ABCB8: variants seen among roughly 807,000 people sequenced by gnomAD.
ABCB8 encodes the protein ATP binding cassette subfamily B member 8.
A neutral mutation model predicts 73.0 loss-of-function variants in ABCB8; 52 were observed. The ratio of observed to expected loss-of-function variants is 0.71; its 90% CI spans 0.57 to 0.90. ABCB8 has a LOEUF of 0.90. ABCB8 is among the 40% of genes least tolerant of loss of function. The pLI, the probability that ABCB8 is intolerant of heterozygous loss-of-function variation, is 0.00. For missense variants in ABCB8, 909 were observed against 974.6 expected (o/e 0.93, Z 0.90); for synonymous variants, 428 against 423.5 (o/e 1.01, Z -0.13).
chr7:151,041,284 G>T (rs1267861219), intron 13 of ABCB8, 52 bp downstream of exon 13: 76 of 1,545,784 alleles, frequency 4.9e-5, no homozygotes, highest in Non-Finnish European at 6.2e-5. Context: ...CCTCCCCTGG[G>T]CCCTGCCCCC....
chr7:151,040,677 G>A (rs1796433781), intron 11 of ABCB8, 43 bp downstream of exon 11: 1 of 1,602,608 alleles, frequency 6.2e-7, no homozygotes, highest in Non-Finnish European at 8.5e-7. Context: ...CCCTGGGCCG[G>A]GGATGAGGCG....
intron 9 of ABCB8, chr7:151,040,034 T>A (rs1183022245): frequency 1.9e-6 from 1 of 533,018 alleles, no homozygotes; most frequent in African/African-American, 1.9e-5. Context: ...TCCCAGGGGC[T>A]TGGGCTGAGC....
intron 13 of ABCB8, 36 bp downstream of exon 13, chr7:151,041,268 G>A: frequency 6.3e-7 from 1 of 1,575,164 alleles, no homozygotes; most frequent in Non-Finnish European, 8.6e-7. Context: ...GGCTCCCACT[G>A]CCCGTCCTCC....
chr7:151,045,143 C>T, intron 15 of ABCB8, 66 bp from the exon 16 acceptor site: 3 of 1,453,450 alleles, frequency 2.1e-6, no homozygotes, highest in Non-Finnish European at 2.7e-6. Flanking sequence ...AGAGGCTCAG[C>T]TCTCTGAGGG....
Position 151,041,998 on chromosome 7 carries a change from T to A in ABCB8, c.1655T>A (p.Ile552Asn). Residue 552 changes from isoleucine to asparagine, a missense_variant, in exon 14 of 16, where the codon ATC (isoleucine) becomes AAC (asparagine). Ile to Asn is a moderately radical substitution (Grantham distance 149). Transcript: ENST00000358849. ...TTTGGGACGACCATCATGGAAAACA[T>A]CCGCTTTGGGAAGCTGGAAGCTTCC... The part of the protein sequence containing the change: ...VLFGTTIMEN[I>N]RFGKLEASDE... 3 of 1,612,950 alleles carry A rather than the reference T, an allele frequency of 1.9e-6. No homozygotes were observed. The highest frequency in any genetic ancestry group is 2.5e-6 in the Non-Finnish European group (3 of 1,179,984).
chr7:151,033,252 C>T, intron 1 of ABCB8: 1 of 450,148 alleles, frequency 2.2e-6, no homozygotes, highest in South Asian at 2.1e-5. Context: ...CCTGTCCAGG[C>T]AGTGTGTGGC....
chr7:151,043,815 A>G (rs12539332), intron 14 of ABCB8, among the ~76,000 whole-genome samples, 156 bp from the exon 15 acceptor site: 9,670 of 62,612 alleles, frequency 0.15, 268 homozygotes, highest in East Asian at 0.22. Flanking sequence ...GAGGATGCAC[A>G]GTGCGGGGTG....
At chr7:151,040,713 A>G in intron 11 of ABCB8, 79 bp downstream of exon 11, 2 of 1,601,102 alleles carry the variant, frequency 1.2e-6, no homozygotes. Flanking sequence ...GGAGGTCTGG[A>G]CTAATGTCCC....
intron 13 of ABCB8, 104 bp downstream of exon 13, chr7:151,041,336 T>C (rs1796460218): frequency 2.9e-6 from 4 of 1,400,346 alleles, no homozygotes; most frequent in Admixed American, 5.4e-5. Flanking sequence ...ACCCTCATCC[T>C]TGCTGCTCTC....
chr7:151,033,939 C>T (rs953241063), intron 2 of ABCB8, 22 bp downstream of exon 2: 7 of 1,563,208 alleles, frequency 4.5e-6, no homozygotes, highest in Non-Finnish European at 6.1e-6. Flanking sequence ...CCCACTTCTC[C>T]ATCCTGGGGA....
At chr7:151,031,315 A>G in intron 1 of ABCB8, 1 of 1,541,066 alleles carries the variant, frequency 6.5e-7, no homozygotes, top group Non-Finnish European at 8.7e-7. Flanking sequence ...TCTTTCTAAT[A>G]GAAACAAGAA....
chr7:151,044,110 G>T lies in ABCB8; in HGVS notation c.1905G>T (p.Glu635Asp), dbSNP rs545500480. 3 of 1,613,930 alleles carry T rather than the reference G, an allele frequency of 1.9e-6. No individual in the cohort carries two copies. Among genetic ancestry groups the T allele is most frequent in the Middle Eastern group, 3.3e-4 (2 of 6,060 alleles). Residue 635 changes from glutamate (E) to aspartate (D), a missense_variant, in exon 15 of 16, where the codon GAG becomes GAT. Transcript: ENST00000358849. ...LDAESERVVQ[E>D]ALDRASAGRT... ...CAGAGTCCGAGCGGGTTGTACAGGA[G>T]GCCCTGGACCGGGCCAGTGCAGGCC... is the stretch of plus-strand genomic sequence containing the variant.
At chr7:151,037,336 C>T in intron 9 of ABCB8, 2 of 702,552 alleles carry the variant, frequency 2.8e-6, no homozygotes, top group Non-Finnish European at 5.2e-6. Context: ...GTGTGAGCTG[C>T]CCTTCCCCAT....
intron 1 of ABCB8, among the ~76,000 whole-genome samples, chr7:151,031,859 C>G (rs943960205): frequency 1.3e-5 from 2 of 152,192 alleles, no homozygotes; most frequent in Non-Finnish European, 2.9e-5. Flanking sequence ...AATGATCCAC[C>G]CGCCTCAGCC....
intron 9 of ABCB8, chr7:151,039,267 T>TGGC (rs1347607905): frequency 6.8e-6 from 1 of 147,278 alleles, no homozygotes; most frequent in African/African-American, 2.6e-5. Context: ...CTGGCTGGGC[T>TGGC]GGCTCCTTCC....
At chr7:151,043,708 T>G (rs1284921390) in intron 14 of ABCB8, among the ~76,000 whole-genome samples, 5 of 60,092 alleles carry the variant, frequency 8.3e-5, no homozygotes, top group Admixed American at 2.1e-4. Flanking sequence ...CAGTGCGGGG[T>G]GGGGGGTCAG....
chr7:151,036,226 A>G, intron 8 of ABCB8, 56 bp downstream of exon 8: 2 of 1,519,006 alleles, frequency 1.3e-6, no homozygotes, highest in South Asian at 2.5e-5. Context: ...AGGAGCTGGG[A>G]GCAGCCAAGG....
rs1296027677 is a variant in ABCB8 at position 151,043,999 on chromosome 7, C to T, written c.1794C>T (p.Gly598=). 3.7e-6 allele frequency: 6 copies of T among 1,612,628 alleles called. No individual in the cohort carries two copies. The highest frequency in any genetic ancestry group is 5.1e-6 in the Non-Finnish European group (6 of 1,179,762). The change falls in exon 15 of 16, where the codon GGC becomes GGT. Residue 598 remains glycine (G), a synonymous_variant. Coordinates refer to ENST00000358849, the MANE Select transcript of ABCB8 (RefSeq NM_007188.5). The part of the protein sequence containing the change: ...VGERGTTLSG[G]QKQRLAIARA... ...AACGGGGCACTACCCTGTCTGGGGG[C>T]CAGAAGCAGCGCCTGGCCATCGCCC...
rs769421665 is a variant in ABCB8 at position 151,028,502 on chromosome 7, T to C, written c.-14T>C. On this transcript the variant is annotated 5_prime_UTR_variant, in exon 1 of 16. Transcript: ENST00000358849. ...AACTGCTATTGCCGGCGGCTCCTGT[T>C]TTACCGCGTCAGCATGCTGGTGCAT... 6 of 1,610,880 alleles carry C rather than the reference T, an allele frequency of 3.7e-6. No homozygotes were observed. The highest frequency in any genetic ancestry group is 5.1e-6 in the Non-Finnish European group (6 of 1,178,856).
Sources: gnomAD v4.1 joint callset for allele counts (sites outside exome capture counted in the v4.1 genomes callset) on GRCh38, gnomAD v4.1.1 for gene constraint, MANE v1.5 for transcripts, NCBI Gene and HGNC (gene_info 2026-07-23, HGNC 2026-07-21) for gene names.